GLI3: variants seen among roughly 807,000 people sequenced by gnomAD.
The protein encoded by GLI3 is GLI family zinc finger 3.
GLI3 carries 20 observed loss-of-function variants against 100.8 expected under a neutral mutation model. The observed-to-expected ratio is 0.20, with a 90% CI of 0.14 to 0.29. The LOEUF (loss-of-function observed/expected upper bound fraction) is 0.29, where lower values mean the gene tolerates loss of function less well. Among genes scored for constraint, GLI3 ranks in the 10% least tolerant of loss-of-function variants. GLI3 has a pLI of 1.00. For missense variants in GLI3, 2,040 were observed against 2,128.5 expected (o/e 0.96, Z 0.82); for synonymous variants, 938 against 860.5 (o/e 1.09, Z -1.58).
intron 3 of GLI3, among the ~76,000 whole-genome samples, chr7:42,123,915 A>G (rs540042613): frequency 2.0e-5 from 3 of 152,328 alleles, no homozygotes; most frequent in African/African-American, 7.2e-5. Context: ...GTCTGGCACG[A>G]AGCCAAGATG....
At chr7:42,002,663 T>A (rs1583777698) in intron 10 of GLI3, among the ~76,000 whole-genome samples, 3 of 152,288 alleles carry the variant, frequency 2.0e-5, no homozygotes. Context: ...AATATTTAAA[T>A]CTCTATCGTC....
intron 2 of GLI3, among the ~76,000 whole-genome samples, chr7:42,183,379 C>T (rs1341887603): frequency 2.6e-5 from 4 of 152,172 alleles, no homozygotes; most frequent in Non-Finnish European, 5.9e-5. Flanking sequence ...TGCTGATGAA[C>T]TTTCATGTGC....
At chr7:42,118,038 A>G (rs1785904011) in intron 3 of GLI3, among the ~76,000 whole-genome samples, 1 of 152,224 alleles carries the variant, frequency 6.6e-6, no homozygotes, top group Admixed American at 6.5e-5. Flanking sequence ...AGGCCCTCTC[A>G]AACACTTAAC....
rs141346758 is a variant in GLI3, at chr7:42,032,417, T to G, written c.1029-6005A>C. Among the ~76,000 whole-genome samples the G allele has an allele frequency of 1.1e-4, 17 of 152,300 alleles. 1 individual carries two copies. The East Asian group carries it at 3.3e-3, about 29-fold the overall frequency. ...CTTGTGATCCATTCTGCTAATACAA[T>G]TTATATTTATTCCCAAAATAATATA... On this transcript the variant is annotated intron_variant, in intron 7 of 14. Transcript: ENST00000395925.
intron 10 of GLI3, among the ~76,000 whole-genome samples, chr7:41,981,058 G>A (rs1237308526): frequency 1.3e-5 from 2 of 152,230 alleles, no homozygotes; most frequent in Non-Finnish European, 2.9e-5. Flanking sequence ...CCTGAAGGAT[G>A]AGTAGACACA....
upstream of GLI3, among the ~76,000 whole-genome samples, chr7:42,238,138 C>T (rs542831073): frequency 6.6e-6 from 1 of 151,726 alleles, no homozygotes; most frequent in Admixed American, 6.5e-5. Flanking sequence ...GCCGAAGCCC[C>T]ACCCACCCGG....
intron 3 of GLI3, among the ~76,000 whole-genome samples, chr7:42,106,122 A>G (rs1785568358): frequency 6.7e-6 from 1 of 149,592 alleles, no homozygotes; most frequent in African/African-American, 2.5e-5. Flanking sequence ...TCTGGCCTCC[A>G]TCTCCCCAGC....
At chr7:42,013,524 C>G (rs1044663783) in intron 10 of GLI3, among the ~76,000 whole-genome samples, 1 of 151,890 alleles carries the variant, frequency 6.6e-6, no homozygotes, top group Non-Finnish European at 1.5e-5. Flanking sequence ...TCACCATGTT[C>G]GGCTAAATTA....
In GLI3 at chr7:41,966,388, G is replaced by A. The variant is rs772948115; in HGVS notation, c.2685C>T (p.Tyr895=). The A allele has an allele frequency of 3.7e-6, 6 of 1,609,962 alleles. No individual in the cohort carries two copies. The Admixed American group carries it at 5.0e-5, about 13-fold the overall frequency. The part of the protein sequence containing the change: ...RPQNVSVADS[Y]DPISTDASRR... ...GCGAGGCGTCGGTGGAGATGGGGTC[G>A]TAGGAGTCGGCCACGCTCACGTTCT... is the stretch of plus-strand genomic sequence containing the variant. The change falls in exon 15 of 15, where the codon TAC becomes TAT. Residue 895 remains tyrosine, a synonymous_variant. Coordinates refer to ENST00000395925, the MANE Select transcript of GLI3 (RefSeq NM_000168.6). This position sits in a 1 kb window ranked among gnomAD's most constrained non-coding sequence, Gnocchi z 5.8.
intron 3 of GLI3, among the ~76,000 whole-genome samples, chr7:42,136,254 C>T (rs1399603727): frequency 2.6e-5 from 4 of 152,196 alleles, no homozygotes; most frequent in Admixed American, 2.6e-4. Flanking sequence ...GTGGGGGCAA[C>T]AGGAGCACCA....
chr7:42,078,477 G>A (rs1784927481), intron 3 of GLI3, among the ~76,000 whole-genome samples: 1 of 152,112 alleles, frequency 6.6e-6, no homozygotes, highest in Non-Finnish European at 1.5e-5. Flanking sequence ...AGGACCCGAG[G>A]CTGTAATTCT....
chr7:42,129,140 G>A (rs1429148931), intron 3 of GLI3, among the ~76,000 whole-genome samples: 2 of 152,172 alleles, frequency 1.3e-5, no homozygotes, highest in Non-Finnish European at 2.9e-5. Flanking sequence ...CCCTTACTCT[G>A]TGCTAGGCAC....
chr7:42,136,453 T>C (rs1786430168), intron 3 of GLI3, among the ~76,000 whole-genome samples: 1 of 152,032 alleles, frequency 6.6e-6, no homozygotes, highest in Non-Finnish European at 1.5e-5. Flanking sequence ...CATAATGAGG[T>C]CCTCAGCCCA....
chr7:41,988,478 G>T (rs1326567714), intron 10 of GLI3, among the ~76,000 whole-genome samples: 2 of 127,012 alleles, frequency 1.6e-5, no homozygotes, highest in East Asian at 2.2e-4. Context: ...AAAAAAAGGG[G>T]GGGGGGGTGG....
intron 4 of GLI3, among the ~76,000 whole-genome samples, chr7:42,066,635 T>C (rs1326989231): frequency 6.6e-6 from 1 of 152,176 alleles, no homozygotes; most frequent in Non-Finnish European, 1.5e-5. Context: ...GATTTAAACT[T>C]TGAAAATTCT....
At chr7:42,076,721 T>C in intron 4 of GLI3, 31 bp downstream of exon 4, 5 of 1,350,852 alleles carry the variant, frequency 3.7e-6, no homozygotes, top group Non-Finnish European at 5.3e-6. Context: ...TCTCGTTCCA[T>C]TTCATTAATG....
chr7:42,144,521 G>A (rs1282748790), intron 3 of GLI3, among the ~76,000 whole-genome samples: 1 of 151,924 alleles, frequency 6.6e-6, no homozygotes, highest in African/African-American at 2.4e-5. Flanking sequence ...AGTGCCCGCT[G>A]TCCCTGAGTT....
rs1336978847 is a variant in GLI3, at chr7:41,963,908, A to G, written c.*422T>C. The G allele has an allele frequency of 6.0e-6, 1 of 166,998 alleles. No homozygotes were observed. Among genetic ancestry groups the G allele is most frequent in the Admixed American group, 5.6e-5 (1 of 17,810 alleles). 10.3% of individuals were successfully genotyped at this position (166,998 alleles called of 1,614,324 possible). Reference sequence around the variant, plus strand: ...GTAAAGGAGAATTTTAAAAGCTGGAAGTGTAACCCCTTGGTCACAAGCACA... The same window carrying G: ...GTAAAGGAGAATTTTAAAAGCTGGAGGTGTAACCCCTTGGTCACAAGCACA... On this transcript the variant is annotated 3_prime_UTR_variant, in exon 15 of 15. Transcript: ENST00000395925.
chr7:42,042,922 G>A (rs1784173605), intron 6 of GLI3, among the ~76,000 whole-genome samples: 1 of 152,156 alleles, frequency 6.6e-6, no homozygotes, highest in Non-Finnish European at 1.5e-5. Context: ...ACACTGAGAG[G>A]TAGAATTGGG....
Sources: gnomAD v4.1 joint callset for allele counts (sites outside exome capture counted in the v4.1 genomes callset) on GRCh38, gnomAD v4.1.1 for gene constraint, Gnocchi (gnomAD v3.1) non-coding constraint, MANE v1.5 for transcripts, NCBI Gene and HGNC (gene_info 2026-07-23, HGNC 2026-07-21) for gene names.